The following KDM2A variants were observed in gnomAD, a reference collection of about 807,000 sequenced individuals.
KDM2A encodes lysine-specific demethylase 2A.
KDM2A carries 3 observed loss-of-function variants against 137.3 expected under a neutral mutation model. That is an observed-to-expected ratio of 0.02 (90% CI 0.01 to 0.06). KDM2A has a LOEUF of 0.06. Among genes scored for constraint, KDM2A ranks in the 10% least tolerant of loss-of-function variants. The pLI is 1.00. For missense variants in KDM2A, 738 were observed against 1,510.6 expected (o/e 0.49, Z 8.48); for synonymous variants, 512 against 541.5 (o/e 0.95, Z 0.76).
At chr11:67,200,889 A>C (rs1168329893) in intron 5 of KDM2A, among the ~76,000 whole-genome samples, 1 of 152,062 alleles carries the variant, frequency 6.6e-6, no homozygotes, top group Non-Finnish European at 1.5e-5. Context: ...CTTTAGTCTT[A>C]TTATTTAAGA....
chr11:67,133,952 A>G (rs543611455), intron 2 of KDM2A, among the ~76,000 whole-genome samples: 1 of 152,186 alleles, frequency 6.6e-6, no homozygotes, highest in Non-Finnish European at 1.5e-5. Context: ...TCGGCCTCCC[A>G]AAGTGCTAGG....
In KDM2A at chr11:67,243,032, C is replaced by G; in HGVS notation, c.1503C>G (p.Asn501Lys). The G allele has an allele frequency of 6.2e-7, 1 of 1,613,792 alleles. No homozygotes were observed. Among genetic ancestry groups the G allele is most frequent in the Non-Finnish European group, 8.5e-7 (1 of 1,179,748 alleles). The stretch of plus-strand genomic sequence containing the variant: ...AGATTTTGCTGGAGGAGCTTGCCAA[C>G]AGCGATCCCAAGTTAGCCCTCACTG... ...DVKILLEELA[N>K]SDPKLALTGV... The change falls in exon 13 of 21, where the codon AAC (asparagine) becomes AAG (lysine). Residue 501 changes from asparagine to lysine, a missense_variant. By Grantham distance (94) the Asn-to-Lys change is moderately conservative. This residue lies in a region of KDM2A where 71 missense variants were observed against 147.9 expected (regional missense o/e 0.48). Transcript: ENST00000529006.
rs201296173 is a variant in KDM2A, at chr11:67,207,490, C to G, written c.308-20C>G. ...ATATTAGTGGCTCGATAGAGATGAT[C>G]GATGCATCTTTTATGGCAGGGAGTC... is the stretch of plus-strand genomic sequence containing the variant. On this transcript the variant is annotated intron_variant, in intron 5 of 20. Coordinates refer to ENST00000529006, the MANE Select transcript of KDM2A (RefSeq NM_012308.3). 8.3e-6 allele frequency: 13 copies of G among 1,562,530 alleles called. No individual in the cohort carries two copies. The highest frequency in any genetic ancestry group is 1.1e-5 in the Non-Finnish European group (13 of 1,146,610).
intron 2 of KDM2A, among the ~76,000 whole-genome samples, chr11:67,132,800 A>G (rs1187380136): frequency 6.6e-6 from 1 of 152,166 alleles, no homozygotes; most frequent in Non-Finnish European, 1.5e-5. Flanking sequence ...TTAGAATGCA[A>G]ATTCTTGGGC....
At chr11:67,181,806 T>C in intron 4 of KDM2A, 40 bp from the exon 5 acceptor site, 9 of 1,567,258 alleles carry the variant, frequency 5.7e-6, no homozygotes, top group Middle Eastern at 1.7e-4. Flanking sequence ...ACTAGAGCAA[T>C]TGTGTTTTCC....
intron 12 of KDM2A, among the ~76,000 whole-genome samples, chr11:67,241,699 T>A (rs570137524): frequency 6.6e-6 from 1 of 152,300 alleles, no homozygotes; most frequent in African/African-American, 2.4e-5. Flanking sequence ...TTGGTGTTGC[T>A]TTAGGGCTCA....
At chr11:67,220,813 T>G (rs1858323043) in intron 10 of KDM2A, among the ~76,000 whole-genome samples, 1 of 152,174 alleles carries the variant, frequency 6.6e-6, no homozygotes, top group Non-Finnish European at 1.5e-5. Flanking sequence ...ATATAAAATT[T>G]TATTCATAGA....
intron 10 of KDM2A, among the ~76,000 whole-genome samples, chr11:67,225,161 G>C (rs935792519): frequency 6.6e-6 from 1 of 151,948 alleles, no homozygotes; most frequent in Non-Finnish European, 1.5e-5. Flanking sequence ...ACTTTGCCAC[G>C]AACTATCTCG....
chr11:67,196,271 C>A (rs1024191634), intron 5 of KDM2A: 1 of 456,120 alleles, frequency 2.2e-6, no homozygotes. Flanking sequence ...ACCTCCAGTT[C>A]TTCATGTCAG....
intron 2 of KDM2A, among the ~76,000 whole-genome samples, chr11:67,135,977 T>G (rs1855962717): frequency 6.6e-6 from 1 of 152,248 alleles, no homozygotes; most frequent in Non-Finnish European, 1.5e-5. Flanking sequence ...TTACCTTTGT[T>G]GCCTTTGTGT....
At chr11:67,243,255 G>A (rs1229852819) in intron 13 of KDM2A, among the ~76,000 whole-genome samples, 163 bp downstream of exon 13, 2 of 152,208 alleles carry the variant, frequency 1.3e-5, no homozygotes, top group Admixed American at 6.5e-5. Flanking sequence ...TCGTAGGTCA[G>A]GGTAATTGGC....
At chr11:67,150,996 C>G (rs1856371825) in intron 2 of KDM2A, among the ~76,000 whole-genome samples, 1 of 152,110 alleles carries the variant, frequency 6.6e-6, no homozygotes, top group Admixed American at 6.6e-5. Flanking sequence ...GTAAACCCCC[C>G]TTGCATGCAG....
At chr11:67,225,805 C>T (rs1166255968) in intron 10 of KDM2A, among the ~76,000 whole-genome samples, 3 of 151,812 alleles carry the variant, frequency 2.0e-5, no homozygotes, top group Non-Finnish European at 2.9e-5. Flanking sequence ...TGGCTCATGC[C>T]TGTAATCCCA....
rs1022880123 is a variant in KDM2A at position 67,248,381 on chromosome 11, C to G, written c.2055+11C>G. 6.3e-7 allele frequency: 1 copy of G among 1,580,874 alleles called. No homozygotes were observed. Among genetic ancestry groups the G allele is most frequent in the African/African-American group, 1.3e-5 (1 of 74,270 alleles). ...TCGGAGAAAGCCCAGGTAAAGGAAC[C>G]TTATCAGATTTGCACTGTGACAGAA... is the stretch of plus-strand genomic sequence containing the variant. On this transcript the variant is annotated intron_variant, in intron 16 of 20. Coordinates refer to ENST00000529006, the MANE Select transcript of KDM2A (RefSeq NM_012308.3).
At chr11:67,159,077 A>G (rs1034018909) in intron 2 of KDM2A, among the ~76,000 whole-genome samples, 2 of 152,304 alleles carry the variant, frequency 1.3e-5, no homozygotes, top group Admixed American at 1.3e-4. Context: ...TGTTGCGTCT[A>G]AAAACCCATT....
chr11:67,224,087 G>A (rs1858454654), intron 10 of KDM2A, among the ~76,000 whole-genome samples: 1 of 152,200 alleles, frequency 6.6e-6, no homozygotes, highest in African/African-American at 2.4e-5. Context: ...CATGGGGAGA[G>A]TGATCTCCTT....
intron 17 of KDM2A, chr11:67,252,445 T>A (rs531053606): frequency 1.6e-4 from 80 of 495,724 alleles, no homozygotes; most frequent in African/African-American, 1.4e-3. Context: ...CACTCCAGAA[T>A]AAATCAGGGT....
chr11:67,152,232 G>A (rs534272238), intron 2 of KDM2A, among the ~76,000 whole-genome samples: 1 of 152,044 alleles, frequency 6.6e-6, no homozygotes, highest in East Asian at 1.9e-4. Context: ...AGGATCACTT[G>A]AGCCCAGGAG....
At chr11:67,238,458 T>C (rs533859191) in intron 12 of KDM2A, among the ~76,000 whole-genome samples, 1 of 152,350 alleles carries the variant, frequency 6.6e-6, no homozygotes, top group East Asian at 1.9e-4. Flanking sequence ...GGAAAGCCTT[T>C]CAAACAAAAT....
Sources: gnomAD v4.1 joint callset for allele counts (sites outside exome capture counted in the v4.1 genomes callset) on GRCh38, gnomAD v4.1.1 for gene constraint, gnomAD v4.1.1 regional missense constraint, MANE v1.5 for transcripts, NCBI Gene and HGNC (gene_info 2026-07-23, HGNC 2026-07-21) for gene names.